Variants in KCNK13 observed in about 807,000 individuals in gnomAD.
The protein encoded by KCNK13 is potassium channel subfamily K member 13.
Under a neutral mutation model 23.4 loss-of-function variants are expected in KCNK13, and 12 were observed. The observed-to-expected ratio is 0.51, with a 90% CI of 0.33 to 0.83. The LOEUF is 0.83. Ranked by LOEUF, KCNK13 falls within the 40% of genes least tolerant of loss-of-function variation. The probability of loss-of-function intolerance (pLI) is 0.02; values close to 1 mark genes in which losing one functional copy is unlikely to be tolerated. For synonymous variants in KCNK13, 231 were observed against 229.5 expected (o/e 1.01, Z -0.06); for missense variants, 463 against 556.3 (o/e 0.83, Z 1.69).
intron 1 of KCNK13, among the ~76,000 whole-genome samples, chr14:90,148,716 G>A (rs943107835): frequency 9.2e-5 from 14 of 152,314 alleles, no homozygotes; most frequent in African/African-American, 2.4e-4. Context: ...GCTAAGGAAC[G>A]CATATTTTAT....
chr14:90,128,022 C>T (rs865862261), intron 1 of KCNK13, among the ~76,000 whole-genome samples: 2 of 152,046 alleles, frequency 1.3e-5, no homozygotes, highest in Non-Finnish European at 2.9e-5. Flanking sequence ...TTCTTGTCCC[C>T]TGTGTTAAAT....
At chr14:90,128,914 A>G (rs1889834928) in intron 1 of KCNK13, among the ~76,000 whole-genome samples, 1 of 152,182 alleles carries the variant, frequency 6.6e-6, no homozygotes, top group Non-Finnish European at 1.5e-5. Context: ...CAACCTGAGG[A>G]CGGAGGCATT....
chr14:90,063,508 A>T (rs980173572), intron 1 of KCNK13, among the ~76,000 whole-genome samples: 3 of 152,084 alleles, frequency 2.0e-5, no homozygotes, highest in African/African-American at 7.2e-5. Context: ...ATAAATTCTG[A>T]GGGGGGCAAA....
intron 1 of KCNK13, among the ~76,000 whole-genome samples, chr14:90,113,921 A>G (rs1483500253): frequency 6.6e-6 from 1 of 152,110 alleles, no homozygotes; most frequent in Non-Finnish European, 1.5e-5. Context: ...GGACAGAGTG[A>G]GACTCTGTCT....
intron 1 of KCNK13, among the ~76,000 whole-genome samples, chr14:90,114,068 T>C (rs550571117): frequency 1.3e-5 from 2 of 152,330 alleles, no homozygotes; most frequent in South Asian, 2.1e-4. Flanking sequence ...CAAAATGCCC[T>C]AGACCAAAGA....
intron 1 of KCNK13, among the ~76,000 whole-genome samples, chr14:90,152,411 TGTAATCCCA>T (rs1890144030): frequency 1.3e-5 from 2 of 152,144 alleles, no homozygotes; most frequent in African/African-American, 4.8e-5. Context: ...GGCGCACACC[TGTAATCCCA>T]GCTACTCAGA....
intron 1 of KCNK13, among the ~76,000 whole-genome samples, chr14:90,071,235 G>C (rs1345815045): frequency 6.6e-6 from 1 of 152,134 alleles, no homozygotes; most frequent in Non-Finnish European, 1.5e-5. Flanking sequence ...GCTCCTTGGG[G>C]TCCTGTCCAA....
chr14:90,092,411 G>A (rs1344341796), intron 1 of KCNK13, among the ~76,000 whole-genome samples: 1 of 152,058 alleles, frequency 6.6e-6, no homozygotes, highest in Non-Finnish European at 1.5e-5. Context: ...TTTGTCATGG[G>A]GAAAATGTAG....
intron 1 of KCNK13, among the ~76,000 whole-genome samples, chr14:90,102,200 A>T (rs1566951813): frequency 6.6e-6 from 1 of 152,150 alleles, no homozygotes; most frequent in Non-Finnish European, 1.5e-5. Flanking sequence ...AAAAATTTTT[A>T]AAAAGAAATC....
At chr14:90,064,526 T>A (rs570711979) in intron 1 of KCNK13, among the ~76,000 whole-genome samples, 46 of 152,298 alleles carry the variant, frequency 3.0e-4, no homozygotes, top group African/African-American at 1.1e-3. Flanking sequence ...GAGCTTTTCA[T>A]CCTGCCTCTG....
intron 1 of KCNK13, among the ~76,000 whole-genome samples, chr14:90,065,711 C>G (rs894161895): frequency 6.6e-6 from 1 of 152,154 alleles, no homozygotes; most frequent in African/African-American, 2.4e-5. Context: ...GATGTAATTT[C>G]CAGGTACTTC....
At chr14:90,135,286 C>T (rs914822973) in intron 1 of KCNK13, among the ~76,000 whole-genome samples, 5 of 152,152 alleles carry the variant, frequency 3.3e-5, no homozygotes, top group Non-Finnish European at 1.5e-5. Context: ...GGGAAGTGTG[C>T]TGCCGTCAAG....
chr14:90,167,483 T>C (rs1890316333), intron 1 of KCNK13, among the ~76,000 whole-genome samples: 1 of 152,218 alleles, frequency 6.6e-6, no homozygotes, highest in Non-Finnish European at 1.5e-5. Flanking sequence ...ATTCTCCTGC[T>C]GTAGGGTAAT....
chr14:90,068,635 C>T (rs1596763287), intron 1 of KCNK13, among the ~76,000 whole-genome samples: 1 of 152,218 alleles, frequency 6.6e-6, no homozygotes, highest in East Asian at 1.9e-4. Context: ...TGCAGACTCT[C>T]AGGTCAACCC....
rs140362177 is a variant in KCNK13 at position 90,156,764 on chromosome 14, A to C, written c.335-27347A>C. Among the ~76,000 whole-genome samples the C allele has an allele frequency of 5.3e-4, 81 of 152,298 alleles. 1 individual carries two copies. The highest frequency in any genetic ancestry group is 1.9e-3 in the African/African-American group (77 of 41,560). On this transcript the variant is annotated intron_variant, in intron 1 of 1. Transcript: ENST00000282146. ...TACCATATCCAAGGTCCTCGTGTGC[A>C]TGAGTGGCAAAAGCAAGATGTGAGT... is the stretch of plus-strand genomic sequence containing the variant.
chr14:90,127,032 A>G (rs180941025), intron 1 of KCNK13, among the ~76,000 whole-genome samples: 1 of 152,198 alleles, frequency 6.6e-6, no homozygotes, highest in Non-Finnish European at 1.5e-5. Context: ...AGAAGAGAGA[A>G]AAGACATTAG....
At chr14:90,097,632 C>T (rs999812) in intron 1 of KCNK13, among the ~76,000 whole-genome samples, 33,479 of 152,024 alleles carry the variant, frequency 0.22, 3,735 homozygotes, top group Middle Eastern at 0.26. Context: ...AACTGTATTC[C>T]CCATCCCTGA....
chr14:90,062,929 G>A lies in KCNK13; in HGVS notation c.334+390G>A, dbSNP rs975616114. Among the ~76,000 whole-genome samples the A allele has an allele frequency of 1.3e-5, 2 of 152,076 alleles. No homozygotes were observed. The highest frequency in any genetic ancestry group is 4.8e-5 in the African/African-American group (2 of 41,412). ...TGGGGAAGAAGGCTTTTACAGATAG[G>A]GACAGGAAACTAAACATTTACTGAG... On this transcript the variant is annotated intron_variant, in intron 1 of 1. Transcript: ENST00000282146. The surrounding 1 kb of genome is among the most constrained non-coding windows in gnomAD (Gnocchi z 4.5).
At chr14:90,099,641 C>A (rs933820316) in intron 1 of KCNK13, among the ~76,000 whole-genome samples, 1 of 152,122 alleles carries the variant, frequency 6.6e-6, no homozygotes, top group Non-Finnish European at 1.5e-5. Flanking sequence ...GTTGAGGACT[C>A]TAGATGGAAG....
Sources: allele counts gnomAD v4.1 joint callset (sites outside exome capture counted in the v4.1 genomes callset), GRCh38; gene constraint gnomAD v4.1.1; non-coding constraint Gnocchi (gnomAD v3.1); transcripts MANE v1.5; gene names NCBI Gene and HGNC (gene_info 2026-07-23, HGNC 2026-07-21).